NEK10: variants seen among roughly 807,000 people sequenced by gnomAD.
NEK10 encodes NIMA related kinase 10.
Under a neutral mutation model 159.8 loss-of-function variants are expected in NEK10, and 122 were observed. The ratio of observed to expected loss-of-function variants is 0.76; its 90% CI spans 0.66 to 0.89. The LOEUF (loss-of-function observed/expected upper bound fraction) is 0.89. NEK10 is among the 40% of genes least tolerant of loss of function. The probability of loss-of-function intolerance (pLI) is 0.00; values close to 1 mark genes in which losing one functional copy is unlikely to be tolerated. For synonymous variants in NEK10, 466 were observed against 457.1 expected (o/e 1.02, Z -0.25); for missense variants, 1,342 against 1,323.1 (o/e 1.01, Z -0.22).
chr3:27,143,409 C>A, intron 30 of NEK10: 1 of 736,604 alleles, frequency 1.4e-6, no homozygotes, highest in Non-Finnish European at 2.4e-6. Flanking sequence ...TCTGTGATGA[C>A]ATTTTGAATG....
At chr3:27,185,580 A>G (rs149116338) in intron 26 of NEK10, among the ~76,000 whole-genome samples, 15 of 152,266 alleles carry the variant, frequency 9.9e-5, no homozygotes, top group Non-Finnish European at 1.2e-4. Flanking sequence ...AACCATCCCT[A>G]TGGATTTTGC....
chr3:27,291,438 C>A (rs1173593880), intron 17 of NEK10, 46 bp downstream of exon 17: 1 of 1,605,424 alleles, frequency 6.2e-7, no homozygotes, highest in South Asian at 1.1e-5. Flanking sequence ...AAATTACATC[C>A]TGACTACATA....
At chr3:27,125,366 T>C (rs1941824003) in intron 32 of NEK10, among the ~76,000 whole-genome samples, 1 of 152,156 alleles carries the variant, frequency 6.6e-6, no homozygotes, top group South Asian at 2.1e-4. Flanking sequence ...TCTAATCAAC[T>C]GAGGTAGAAC....
chr3:27,115,962 A>G lies in NEK10; in HGVS notation c.3277T>C (p.Tyr1093His). ...TACCTGTTAGATGTAAAATTGTAAT[A>G]GCCACTTTCCTCAAGGACTTCTTCA... ...VIEEVLEESG[Y>H]YNFTSNRYHS... is the part of the protein sequence containing the mutation. The change falls in exon 35 of 36, where the codon TAT (tyrosine) becomes CAT (histidine). Residue 1093 changes from tyrosine to histidine, a missense_variant. Transcript: ENST00000691995. 1.9e-6 allele frequency: 3 copies of G among 1,612,882 alleles called. No individual in the cohort carries two copies. Among genetic ancestry groups the G allele is most frequent in the Middle Eastern group, 3.3e-4 (2 of 5,984 alleles).
intron 5 of NEK10, among the ~76,000 whole-genome samples, chr3:27,330,401 A>G (rs1276453293): frequency 6.6e-6 from 1 of 152,198 alleles, no homozygotes; most frequent in African/African-American, 2.4e-5. Context: ...ACAATGATCC[A>G]GCTGTTTAAA....
intron 5 of NEK10, among the ~76,000 whole-genome samples, chr3:27,332,771 C>T (rs1310916304): frequency 6.6e-6 from 1 of 152,202 alleles, no homozygotes; most frequent in East Asian, 1.9e-4. Context: ...GACAACTTCC[C>T]TACACAGCTC....
intron 23 of NEK10, among the ~76,000 whole-genome samples, chr3:27,232,964 G>A (rs1288083861): frequency 6.6e-6 from 1 of 151,590 alleles, no homozygotes; most frequent in East Asian, 1.9e-4. Context: ...AACTCTACTG[G>A]ACATTGGCTT....
At chr3:27,368,550 G>C (rs904752921) in intron 1 of NEK10, among the ~76,000 whole-genome samples, 2 of 152,226 alleles carry the variant, frequency 1.3e-5, no homozygotes, top group Admixed American at 6.5e-5. Flanking sequence ...GGAAGCAGCA[G>C]TAAGTGTCAT....
At chr3:27,220,976 G>A (rs1442722548) in intron 23 of NEK10, among the ~76,000 whole-genome samples, 1 of 152,110 alleles carries the variant, frequency 6.6e-6, no homozygotes, top group Non-Finnish European at 1.5e-5. Context: ...ACATGCAAAA[G>A]GATGAAGTTG....
chr3:27,131,286 C>T (rs922643101), intron 32 of NEK10, among the ~76,000 whole-genome samples: 1 of 152,136 alleles, frequency 6.6e-6, no homozygotes, highest in Non-Finnish European at 1.5e-5. Context: ...AAAGGTCTAC[C>T]AACCAGGACA....
At chr3:27,337,476 A>AG (rs1391464631) in intron 5 of NEK10, among the ~76,000 whole-genome samples, 14 of 37,508 alleles carry the variant, frequency 3.7e-4, no homozygotes, top group African/African-American at 5.4e-4. Context: ...ATATGAAACA[A>AG]AAACCAGAAG....
At chr3:27,158,046 T>C (rs185688885) in intron 30 of NEK10, among the ~76,000 whole-genome samples, 263 of 152,298 alleles carry the variant, frequency 1.7e-3, no homozygotes, top group African/African-American at 5.9e-3. Flanking sequence ...TTTATGTGCA[T>C]TGGAAAACCA....
chr3:27,132,632 T>C (rs186486046), intron 31 of NEK10, among the ~76,000 whole-genome samples: 1 of 151,842 alleles, frequency 6.6e-6, no homozygotes, highest in Non-Finnish European at 1.5e-5. Context: ...ACAAAAAAAA[T>C]GGGGATTAAA....
intron 30 of NEK10, among the ~76,000 whole-genome samples, chr3:27,159,417 T>C (rs917087031): frequency 2.0e-5 from 3 of 152,100 alleles, no homozygotes; most frequent in African/African-American, 7.2e-5. Context: ...AGTTAGTCGA[T>C]GTAAAGAAAA....
intron 5 of NEK10, among the ~76,000 whole-genome samples, chr3:27,330,926 A>AT (rs577183612): frequency 1.7e-3 from 256 of 152,234 alleles, no homozygotes; most frequent in African/African-American, 5.7e-3. Flanking sequence ...CCGTTATAAC[A>AT]TTTTTTAGTA....
chr3:27,160,623 T>C (rs1393706493), intron 30 of NEK10, among the ~76,000 whole-genome samples: 1 of 152,072 alleles, frequency 6.6e-6, no homozygotes, highest in African/African-American at 2.4e-5. Context: ...GATAACAAAA[T>C]GGCCAGGAGT....
chr3:27,273,124 TATG>T (rs1448770331), intron 22 of NEK10, among the ~76,000 whole-genome samples: 1 of 152,246 alleles, frequency 6.6e-6, no homozygotes, highest in East Asian at 1.9e-4. Context: ...TCAAAGGCCC[TATG>T]GTCAAGGGAA....
At chr3:27,225,820 A>G (rs1458023552) in intron 23 of NEK10, among the ~76,000 whole-genome samples, 1 of 149,450 alleles carries the variant, frequency 6.7e-6, no homozygotes, top group Non-Finnish European at 1.5e-5. Context: ...TGATTGATGG[A>G]GTCTAAGTCA....
chr3:27,348,341 C>T (rs2047714758), intron 3 of NEK10, among the ~76,000 whole-genome samples: 1 of 152,172 alleles, frequency 6.6e-6, no homozygotes, highest in South Asian at 2.1e-4. Flanking sequence ...CCGCAGCTTG[C>T]AGCCATTCCC....
Sources: allele counts gnomAD v4.1 joint callset (sites outside exome capture counted in the v4.1 genomes callset), GRCh38; gene constraint gnomAD v4.1.1; transcripts MANE v1.5; gene names NCBI Gene and HGNC (gene_info 2026-07-23, HGNC 2026-07-21).